The following NEK6 variants were observed in gnomAD, a reference collection of about 807,000 sequenced individuals.
The protein encoded by NEK6 is NIMA related kinase 6, also known as serine/threonine-protein kinase Nek6.
Under a neutral mutation model 43.5 loss-of-function variants are expected in NEK6, and 27 were observed. The ratio of observed to expected loss-of-function variants is 0.62; its 90% confidence interval spans 0.46 to 0.86. NEK6 has a LOEUF of 0.86. Ranked by LOEUF, NEK6 falls within the 40% of genes least tolerant of loss-of-function variation. NEK6 has a pLI of 0.00. For missense variants in NEK6, 318 were observed against 414.4 expected, an observed-to-expected ratio of 0.77 and a Z score of 2.02; for synonymous variants, 167 against 164.1, an observed-to-expected ratio of 1.02 and a Z score of -0.14.
At chr9:124,279,933 G>A (rs1160865591) in intron 1 of NEK6, among the ~76,000 whole-genome samples, 1 of 152,246 alleles carries the variant, frequency 6.6e-6, no homozygotes, top group African/African-American at 2.4e-5. Context: ...GACAGCACAT[G>A]GCTTCACAAG....
chr9:124,338,670 G>A (rs1334423632), intron 7 of NEK6, among the ~76,000 whole-genome samples: 2 of 152,212 alleles, frequency 1.3e-5, no homozygotes. Context: ...CATGGGCAGA[G>A]CTAAGTGGTC....
At chr9:124,261,700 C>G (rs1831037163) in intron 1 of NEK6, 1 of 641,892 alleles carries the variant, frequency 1.6e-6, no homozygotes, top group African/African-American at 2.0e-5. Context: ...GTGTGAGGAC[C>G]TGTGTGGTTT....
chr9:124,297,568 C>G (rs755390627), intron 1 of NEK6, among the ~76,000 whole-genome samples: 20 of 152,340 alleles, frequency 1.3e-4, no homozygotes, highest in Non-Finnish European at 2.2e-4. Context: ...AGCTGGGAAG[C>G]CTCACTGTGC....
intron 4 of NEK6, among the ~76,000 whole-genome samples, chr9:124,319,404 G>T (rs1833961729): frequency 6.6e-6 from 1 of 152,032 alleles, no homozygotes; most frequent in Middle Eastern, 3.4e-3. Flanking sequence ...TCTGTCAATT[G>T]TCTGTTTACT....
intron 7 of NEK6, among the ~76,000 whole-genome samples, chr9:124,329,396 G>T (rs548170679): frequency 6.6e-6 from 1 of 152,348 alleles, no homozygotes; most frequent in South Asian, 2.1e-4. Flanking sequence ...GGTTAGGATC[G>T]CATCATTAGG....
intron 8 of NEK6, among the ~76,000 whole-genome samples, chr9:124,345,212 G>A (rs1342349703): frequency 6.6e-6 from 1 of 152,222 alleles, no homozygotes; most frequent in Non-Finnish European, 1.5e-5. Flanking sequence ...CAGACAGTGA[G>A]TCCTCTCTAT....
intron 1 of NEK6, among the ~76,000 whole-genome samples, chr9:124,301,594 G>A (rs575539347): frequency 2.0e-5 from 3 of 152,314 alleles, no homozygotes; most frequent in Non-Finnish European, 4.4e-5. Context: ...AGAAGCAGGG[G>A]CAGTGCTGTG....
chr9:124,350,941 C>G lies in NEK6; in HGVS notation c.936C>G (p.Ser312Arg), dbSNP rs1344640329. 2 of 1,607,138 alleles carry G rather than the reference C, an allele frequency of 1.2e-6. No individual in the cohort carries two copies. Among genetic ancestry groups the G allele is most frequent in the Non-Finnish European group, 1.7e-6 (2 of 1,178,346 alleles). The part of the protein sequence containing the change: ...VAKQMHIWMS[S>R]T The stretch of plus-strand genomic sequence containing the variant: ...AGCAGATGCACATCTGGATGTCCAG[C>G]ACCTGAGCGTGGATGCACCGTGCCT... Residue 312 changes from serine (S) to arginine (R), a missense_variant, in exon 10 of 10, where the codon AGC becomes AGG. By Grantham distance (110) the Ser-to-Arg change is moderately radical (BLOSUM62 -1). Around this residue, in one of 2 missense-constraint regions of NEK6, gnomAD observed 79 missense variants for 70.0 expected, o/e 1.13. Coordinates refer to ENST00000320246, the MANE Select transcript of NEK6 (RefSeq NM_014397.6).
chr9:124,306,534 C>G (rs1398765111), intron 2 of NEK6, among the ~76,000 whole-genome samples: 1 of 152,148 alleles, frequency 6.6e-6, no homozygotes, highest in African/African-American at 2.4e-5. Context: ...CTTAGTACTC[C>G]TGCTGACTCA....
At chr9:124,331,966 G>GC (rs1163391128) in intron 7 of NEK6, among the ~76,000 whole-genome samples, 1 of 152,220 alleles carries the variant, frequency 6.6e-6, no homozygotes, top group Non-Finnish European at 1.5e-5. Context: ...TGGATCTCAG[G>GC]CCTGAGTTTC....
chr9:124,332,583 C>A (rs1323192844), intron 7 of NEK6, among the ~76,000 whole-genome samples: 1 of 152,224 alleles, frequency 6.6e-6, no homozygotes, highest in Non-Finnish European at 1.5e-5. Flanking sequence ...AAGGAGACCG[C>A]ATTTCTCCAG....
At chr9:124,302,085 T>G in intron 2 of NEK6, 31 bp downstream of exon 2, 1 of 1,493,688 alleles carries the variant, frequency 6.7e-7, no homozygotes, top group Non-Finnish European at 9.2e-7. Context: ...TGCAGCACAC[T>G]GAAGAGTTCC....
At chr9:124,302,117 C>G (rs1833014199) in intron 2 of NEK6, 63 bp downstream of exon 2, 1 of 1,229,032 alleles carries the variant, frequency 8.1e-7, no homozygotes, top group Non-Finnish European at 1.1e-6. Context: ...GATCCCTGAG[C>G]CTCCTTTGTC....
At chr9:124,308,670 A>G (rs1240092269) in intron 2 of NEK6, among the ~76,000 whole-genome samples, 2 of 152,094 alleles carry the variant, frequency 1.3e-5, no homozygotes, top group Non-Finnish European at 2.9e-5. Flanking sequence ...AAAAAAAAAA[A>G]AAAAACCAGT....
intron 1 of NEK6, among the ~76,000 whole-genome samples, chr9:124,260,854 T>A (rs1310204705): frequency 6.6e-6 from 1 of 152,192 alleles, no homozygotes. Context: ...CCAAAGACCA[T>A]GTGCTAATAC....
In NEK6 at chr9:124,324,677, G is replaced by A. The variant is rs1194956685; in HGVS notation, c.406-1653G>A. On this transcript the variant is annotated intron_variant, in intron 5 of 9. Transcript: ENST00000320246. The surrounding 1 kb of genome is among the most constrained non-coding windows in gnomAD (Gnocchi z 5.3). The stretch of plus-strand genomic sequence containing the variant: ...TGGGGTCTGTGCTGAGACCTGGGAC[G>A]GCTCACCTGAGAGGGCCTCCCAGAA... Among the ~76,000 whole-genome samples, 7 of 152,138 alleles carry A rather than the reference G, an allele frequency of 4.6e-5. No individual in the cohort carries two copies. The highest frequency in any genetic ancestry group is 1.7e-4 in the African/African-American group (7 of 41,430).
intron 4 of NEK6, among the ~76,000 whole-genome samples, chr9:124,320,355 G>T (rs1834006351): frequency 6.6e-6 from 1 of 152,232 alleles, no homozygotes; most frequent in South Asian, 2.1e-4. Context: ...CTTGGGGAAT[G>T]AATGAATGAA....
intron 1 of NEK6, among the ~76,000 whole-genome samples, chr9:124,281,237 G>T (rs1250798738): frequency 6.6e-6 from 1 of 152,150 alleles, no homozygotes; most frequent in East Asian, 1.9e-4. Context: ...ATGTTCACTG[G>T]AATATACTGG....
intron 1 of NEK6, among the ~76,000 whole-genome samples, chr9:124,265,023 A>G (rs1831176794): frequency 1.3e-5 from 2 of 152,072 alleles, no homozygotes; most frequent in South Asian, 4.1e-4. Flanking sequence ...ATAAATCCAC[A>G]TAGACCTAAA....
Sources: allele counts gnomAD v4.1 joint callset (sites outside exome capture counted in the v4.1 genomes callset), GRCh38; gene constraint gnomAD v4.1.1; regional missense constraint gnomAD v4.1.1; non-coding constraint Gnocchi (gnomAD v3.1); transcripts MANE v1.5; gene names NCBI Gene and HGNC (gene_info 2026-07-23, HGNC 2026-07-21).